Variants in EMC8 observed in about 807,000 individuals in gnomAD.
EMC8 encodes the protein ER membrane protein complex subunit 8, also known as COX4 neighbor.
In EMC8, 11 loss-of-function variants were observed where a neutral mutation model predicts 24.3. The ratio of observed to expected loss-of-function variants is 0.45; its 90% CI spans 0.28 to 0.75. EMC8 has a LOEUF of 0.75. Among genes scored for constraint, EMC8 ranks in the 30% least tolerant of loss-of-function variants. EMC8 has a pLI of 0.12. For synonymous variants in EMC8, 145 were observed against 117.7 expected (o/e 1.23, Z -1.50); for missense variants, 277 against 282.7 (o/e 0.98, Z 0.14).
chr16:85,779,921 T>TAAA, intron 4 of EMC8, 54 bp from the exon 5 acceptor site: 3 of 1,526,038 alleles, frequency 2.0e-6, no homozygotes, highest in Non-Finnish European at 2.7e-6. Flanking sequence ...GGGCGGCTTG[T>TAAA]AACAGCATCA....
intron 2 of EMC8, 173 bp from the exon 3 acceptor site, chr16:85,781,453 T>C (rs559169089): frequency 2.8e-4 from 165 of 588,862 alleles, no homozygotes; most frequent in Non-Finnish European, 4.4e-4. Flanking sequence ...TTGGTAGAGA[T>C]AGGGTCTTGC....
Position 85,799,317 on chromosome 16 carries a change from A to C in EMC8, c.-22T>G. ...GCATGCTGACCCGGGAGGGCCCCGGAGGCCCCTGGGCGCGCGGCTGAGGCC... is the reference window on the plus strand; with the variant it reads ...GCATGCTGACCCGGGAGGGCCCCGGCGGCCCCTGGGCGCGCGGCTGAGGCC... On this transcript the variant is annotated 5_prime_UTR_variant, in exon 1 of 5. Coordinates refer to ENST00000253457, the MANE Select transcript of EMC8 (RefSeq NM_006067.5). The surrounding 1 kb of genome is among the most constrained non-coding windows in gnomAD (Gnocchi z 4.2). 2 of 1,548,888 alleles carry C rather than the reference A, an allele frequency of 1.3e-6. No individual in the cohort carries two copies. The highest frequency in any genetic ancestry group is 1.7e-6 in the Non-Finnish European group (2 of 1,143,052).
In EMC8 at chr16:85,782,768, C is replaced by G. The variant is rs1489136407; in HGVS notation, c.309-1488G>C. 5.3e-5 allele frequency among the ~76,000 whole-genome samples: 8 copies of G among 152,174 alleles called. No homozygotes were observed. In the East Asian group the frequency reaches 1.5e-3, roughly 29 times the overall value. ...AGACTGCTACCCCCTCAAAAGCCTC[C>G]CAGCGGGAACCCACCACTCTCAGGC... On this transcript the variant is annotated intron_variant, in intron 2 of 4. Transcript: ENST00000253457.
intron 2 of EMC8, among the ~76,000 whole-genome samples, chr16:85,785,889 C>T (rs1017994304): frequency 2.0e-5 from 3 of 152,180 alleles, no homozygotes; most frequent in Admixed American, 6.5e-5. Flanking sequence ...GTGTCTGCCT[C>T]AGGCCAGGGC....
chr16:85,782,228 C>G (rs16939705), intron 2 of EMC8, among the ~76,000 whole-genome samples: 5,211 of 152,302 alleles, frequency 0.034, 286 homozygotes, highest in African/African-American at 0.12. Flanking sequence ...AGAGCAACCT[C>G]AGGGCAGCTG....
In EMC8 at chr16:85,789,042, T is replaced by G; in HGVS notation, c.240A>C (p.Ser80=). The G allele has an allele frequency of 6.2e-7, 1 of 1,612,688 alleles. No individual in the cohort carries two copies. The highest frequency in any genetic ancestry group is 8.5e-7 in the Non-Finnish European group (1 of 1,178,730). The change falls in exon 2 of 5, where the codon TCA becomes TCC. Residue 80 remains serine (S), a synonymous_variant. Coordinates refer to ENST00000253457, the MANE Select transcript of EMC8 (RefSeq NM_006067.5). The part of the protein sequence containing the change: ...MLEVALTLID[S]WCKDHSYVIA... Reference sequence around the variant, plus strand: ...TCACGTAGCTATGATCTTTGCACCATGAATCAATCTGAAAGAGGAACAAAA... The same window carrying G: ...TCACGTAGCTATGATCTTTGCACCAGGAATCAATCTGAAAGAGGAACAAAA...
At chr16:85,792,818 A>T (rs938119428) in intron 1 of EMC8, 1 of 152,256 alleles carries the variant, frequency 6.6e-6, no homozygotes, top group Admixed American at 6.5e-5. Context: ...GAAGCCACTC[A>T]ACCTCTGTTC....
chr16:85,782,431 T>C (rs1392564109), intron 2 of EMC8, among the ~76,000 whole-genome samples: 3 of 152,216 alleles, frequency 2.0e-5, no homozygotes, highest in Non-Finnish European at 2.9e-5. Context: ...ACAAAGTTAT[T>C]CTTCTATCCT....
chr16:85,780,522 A>C, intron 3 of EMC8, 49 bp from the exon 4 acceptor site: 1 of 1,426,338 alleles, frequency 7.0e-7, no homozygotes, highest in Non-Finnish European at 9.8e-7. Flanking sequence ...CCAGCCAAAC[A>C]GCAGCGGCAG....
chr16:85,783,945 C>T (rs780265341), intron 2 of EMC8, among the ~76,000 whole-genome samples: 7 of 152,228 alleles, frequency 4.6e-5, no homozygotes, highest in Admixed American at 6.5e-5. Flanking sequence ...CCTGTCTGCC[C>T]TGCACAATCA....
chr16:85,781,126 C>T (rs1358452840), intron 3 of EMC8, 85 bp downstream of exon 3: 21 of 938,092 alleles, frequency 2.2e-5, no homozygotes, highest in East Asian at 2.2e-4. Flanking sequence ...AAGGGGTTAG[C>T]GGAAAGGAAA....
chr16:85,794,841 G>A (rs993018984), intron 1 of EMC8, among the ~76,000 whole-genome samples: 4 of 152,196 alleles, frequency 2.6e-5, no homozygotes, highest in Non-Finnish European at 5.9e-5. Context: ...GATGTCTACA[G>A]TGCAGACTGT....
intron 2 of EMC8, 127 bp downstream of exon 2, chr16:85,788,847 A>C: frequency 1.4e-6 from 1 of 716,420 alleles, no homozygotes; most frequent in Non-Finnish European, 2.5e-6. Flanking sequence ...CAAATACTAC[A>C]AATAAGCACA....
At chr16:85,796,896 T>C (rs1302243500) in intron 1 of EMC8, among the ~76,000 whole-genome samples, 2 of 152,262 alleles carry the variant, frequency 1.3e-5, no homozygotes, top group Non-Finnish European at 2.9e-5. Flanking sequence ...GTTTAGGTGC[T>C]GTGCTTGCTG....
At chr16:85,793,144 A>G (rs966677577) in intron 1 of EMC8, among the ~76,000 whole-genome samples, 2 of 152,140 alleles carry the variant, frequency 1.3e-5, no homozygotes, top group Non-Finnish European at 2.9e-5. Context: ...CACCCCTTTC[A>G]TTCCCAACTA....
intron 2 of EMC8, among the ~76,000 whole-genome samples, chr16:85,782,325 G>A (rs1161047922): frequency 6.6e-6 from 1 of 152,122 alleles, no homozygotes; most frequent in South Asian, 2.1e-4. Context: ...TGGCCCTGCC[G>A]CCACCCAACC....
At chr16:85,792,965 ACT>A (rs1179541555) in intron 1 of EMC8, 1 of 152,160 alleles carries the variant, frequency 6.6e-6, no homozygotes, top group African/African-American at 2.4e-5. Context: ...AGTCAAACTG[ACT>A]CTGATATAGA....
chr16:85,792,265 G>A (rs1567832438), intron 1 of EMC8: 1 of 152,122 alleles, frequency 6.6e-6, no homozygotes, highest in Admixed American at 6.5e-5. Flanking sequence ...AAACTCCAAG[G>A]GCCCAACCAA....
At chr16:85,781,181 C>A (rs767923355) in intron 3 of EMC8, 30 bp downstream of exon 3, 1 of 1,577,670 alleles carries the variant, frequency 6.3e-7, no homozygotes, top group Non-Finnish European at 8.7e-7. Flanking sequence ...GGCGCAAGGG[C>A]CTCCCACATG....
Sources: allele counts gnomAD v4.1 joint callset (sites outside exome capture counted in the v4.1 genomes callset), GRCh38; gene constraint gnomAD v4.1.1; non-coding constraint Gnocchi (gnomAD v3.1); transcripts MANE v1.5; gene names NCBI Gene and HGNC (gene_info 2026-07-23, HGNC 2026-07-21).